The following XRCC6 variants were observed in gnomAD, a reference collection of about 807,000 sequenced individuals.
The protein encoded by XRCC6 is DNA repair protein Ku70.
In XRCC6, 5 loss-of-function variants were observed where a neutral mutation model predicts 65.7. The observed-to-expected ratio is 0.08, with a 90% confidence interval of 0.04 to 0.16. The LOEUF is 0.16. Ranked by LOEUF, XRCC6 falls within the 10% of genes least tolerant of loss-of-function variation. XRCC6 has a pLI of 1.00. For synonymous variants in XRCC6, 270 were observed against 270.6 expected (o/e 1.00, Z 0.02); for missense variants, 447 against 738.1 (o/e 0.61, Z 4.57).
chr22:41,627,917 GTTGTAA>G lies in XRCC6; in HGVS notation c.83-197_83-192del, dbSNP rs372962880. Among the ~76,000 whole-genome samples the G allele has an allele frequency of 1.1e-3, 172 of 152,202 alleles. 2 individuals are homozygous for G. The highest frequency in any genetic ancestry group is 4.1e-3 in the African/African-American group (170 of 41,518). On this transcript the variant is annotated intron_variant, in intron 2 of 12. Coordinates refer to ENST00000360079, the MANE Select transcript of XRCC6 (RefSeq NM_001469.5). ...TATTGACTTTTTTGGGGAGGTGGGT[GTTGTAA>G]TTGGGAGGGAATGTAAGAGGGATTT...
intron 7 of XRCC6, 135 bp downstream of exon 7, chr22:41,647,217 G>A: frequency 2.4e-6 from 2 of 817,398 alleles, no homozygotes; most frequent in Non-Finnish European, 3.8e-6. Flanking sequence ...TTCTGTCTCA[G>A]CCTCCCAAGT....
chr22:41,628,986 A>AT (rs1265392002), intron 3 of XRCC6, among the ~76,000 whole-genome samples: 1 of 151,456 alleles, frequency 6.6e-6, no homozygotes, highest in Admixed American at 6.6e-5. Context: ...AAAAAAAAAA[A>AT]AAACAATTCT....
chr22:41,625,380 C>T (rs2147063878), intron 2 of XRCC6, among the ~76,000 whole-genome samples: 1 of 152,248 alleles, frequency 6.6e-6, no homozygotes, highest in Non-Finnish European at 1.5e-5. Context: ...AATCTCAGCA[C>T]TTTGGGAGTA....
At chr22:41,642,516 A>T (rs2067889857) in intron 6 of XRCC6, among the ~76,000 whole-genome samples, 1 of 152,178 alleles carries the variant, frequency 6.6e-6, no homozygotes, top group Non-Finnish European at 1.5e-5. Context: ...TTACTTAAGA[A>T]ATCTTTGCCA....
At chr22:41,634,820 G>C (rs929900298) in intron 3 of XRCC6, among the ~76,000 whole-genome samples, 1 of 152,130 alleles carries the variant, frequency 6.6e-6, no homozygotes, top group East Asian at 1.9e-4. Flanking sequence ...TGGGATTATA[G>C]GCATGAGCCA....
intron 3 of XRCC6, among the ~76,000 whole-genome samples, chr22:41,635,834 T>C (rs1160028875): frequency 1.3e-5 from 2 of 152,154 alleles, no homozygotes; most frequent in Non-Finnish European, 1.5e-5. Flanking sequence ...TGTGAGCCAC[T>C]GTGCCTGGCC....
In XRCC6 at chr22:41,637,741, C is replaced by A; in HGVS notation, c.723C>A (p.Asp241Glu). Residue 241 changes from aspartate (D) to glutamate (E), a missense_variant, in exon 6 of 13, where the codon GAC (aspartate) becomes GAA (glutamate). Asp to Glu is a conservative substitution (Grantham distance 45). Transcript: ENST00000360079. ...TTGAGGAATCCAGCAAGCTAGAAGA[C>A]CTGTTGCGGAAGGTTCGCGCCAAGG... ...VHFEESSKLE[D>E]LLRKVRAKET... 6.2e-7 allele frequency: 1 copy of A among 1,613,980 alleles called. No homozygotes were observed. Among genetic ancestry groups the A allele is most frequent in the East Asian group, 2.2e-5 (1 of 44,870 alleles).
chr22:41,625,245 G>C lies in XRCC6; in HGVS notation c.83-2873G>C, dbSNP rs1456858595. On this transcript the variant is annotated intron_variant, in intron 2 of 12. Coordinates refer to ENST00000360079, the MANE Select transcript of XRCC6 (RefSeq NM_001469.5). The stretch of plus-strand genomic sequence containing the variant: ...CTTGAACACGGGAGGTGGAGGTTGC[G>C]GTGAGCCAAGATCGCGTCATCGCAT... Among the ~76,000 whole-genome samples the C allele has an allele frequency of 3.3e-5, 5 of 152,188 alleles. No individual in the cohort carries two copies. In the South Asian group the frequency reaches 1.0e-3, roughly 31 times the overall value.
At chr22:41,656,286 C>T (rs1328475932) in intron 9 of XRCC6, among the ~76,000 whole-genome samples, 3 of 150,578 alleles carry the variant, frequency 2.0e-5, no homozygotes, top group South Asian at 2.1e-4. Flanking sequence ...TTTGGGAAGC[C>T]GAGGTGGGCA....
intron 2 of XRCC6, among the ~76,000 whole-genome samples, chr22:41,627,674 A>G (rs1343895783): frequency 6.6e-6 from 1 of 151,492 alleles, no homozygotes; most frequent in Non-Finnish European, 1.5e-5. Context: ...GAAGTTTTAG[A>G]TCAGCCTGGG....
At chr22:41,644,566 AC>A (rs1256997076) in intron 6 of XRCC6, among the ~76,000 whole-genome samples, 2 of 151,962 alleles carry the variant, frequency 1.3e-5, no homozygotes, top group Non-Finnish European at 2.9e-5. Context: ...CCTCACTGCA[AC>A]CTCTGCCTCC....
At chr22:41,643,173 AG>A (rs1302354883) in intron 6 of XRCC6, among the ~76,000 whole-genome samples, 1 of 152,104 alleles carries the variant, frequency 6.6e-6, no homozygotes, top group Non-Finnish European at 1.5e-5. Flanking sequence ...GCACTTTGGG[AG>A]GCCAAGGGGG....
intron 6 of XRCC6, among the ~76,000 whole-genome samples, chr22:41,643,608 G>A (rs1569089800): frequency 6.6e-6 from 1 of 152,006 alleles, no homozygotes; most frequent in East Asian, 1.9e-4. Context: ...ATCACCTGAG[G>A]TCAGTAGTGC....
chr22:41,662,523 A>C (rs2068109204), intron 12 of XRCC6, among the ~76,000 whole-genome samples: 1 of 152,102 alleles, frequency 6.6e-6, no homozygotes. Flanking sequence ...ATCCACACTT[A>C]CCTATCTCAT....
intron 11 of XRCC6, among the ~76,000 whole-genome samples, chr22:41,659,998 T>C (rs369097312): frequency 2.0e-5 from 3 of 152,362 alleles, no homozygotes; most frequent in African/African-American, 7.2e-5. Flanking sequence ...TCTGTACTTT[T>C]AAAACTCTAC....
intron 11 of XRCC6, 81 bp from the exon 12 acceptor site, chr22:41,661,250 G>C: frequency 8.1e-7 from 1 of 1,232,526 alleles, no homozygotes; most frequent in Non-Finnish European, 1.2e-6. Flanking sequence ...CTCTCTTCTG[G>C]TTCTCAGAGA....
intron 6 of XRCC6, 25 bp downstream of exon 6, chr22:41,637,816 GC>G: frequency 6.2e-7 from 1 of 1,606,710 alleles, no homozygotes; most frequent in East Asian, 2.2e-5. Flanking sequence ...CGGGTCAGCT[GC>G]CTACACTGCC....
At chr22:41,638,026 A>G (rs959953132) in intron 6 of XRCC6, among the ~76,000 whole-genome samples, 3 of 151,942 alleles carry the variant, frequency 2.0e-5, no homozygotes, top group African/African-American at 7.3e-5. Context: ...AACCAGAAGC[A>G]ATACATTGCT....
At chr22:41,628,844 T>G (rs1447518042) in intron 3 of XRCC6, among the ~76,000 whole-genome samples, 1 of 151,456 alleles carries the variant, frequency 6.6e-6, no homozygotes, top group Non-Finnish European at 1.5e-5. Flanking sequence ...TGCGCTTCTG[T>G]AGTCCCAGGT....
Sources: allele counts gnomAD v4.1 joint callset (sites outside exome capture counted in the v4.1 genomes callset), GRCh38; gene constraint gnomAD v4.1.1; transcripts MANE v1.5; gene names NCBI Gene and HGNC (gene_info 2026-07-23, HGNC 2026-07-21).